BAZ2A: variants seen among roughly 807,000 people sequenced by gnomAD.
BAZ2A encodes the protein bromodomain adjacent to zinc finger domain 2A.
In BAZ2A, 34 loss-of-function variants were observed where a neutral mutation model predicts 199.9. That is an observed-to-expected ratio of 0.17 (90% CI 0.13 to 0.23). The LOEUF (loss-of-function observed/expected upper bound fraction) is 0.23, where lower values mean the gene tolerates loss of function less well. Among genes scored for constraint, BAZ2A ranks in the 10% least tolerant of loss-of-function variants. BAZ2A has a pLI of 1.00. For synonymous variants in BAZ2A, 857 were observed against 883.9 expected, an observed-to-expected ratio of 0.97 and a Z score of 0.54; for missense variants, 2,002 against 2,391.1, an observed-to-expected ratio of 0.84 and a Z score of 3.39.
In BAZ2A at chr12:56,605,833, G is replaced by A; in HGVS notation, c.2490C>T (p.His830=). Residue 830 remains histidine, a synonymous_variant, in exon 13 of 29, where the codon CAC becomes CAT. Transcript: ENST00000549884. ...ACTGTTACTCTCTCCTCACTACCTG[G>A]TGGTCAGTCAGACACATATCCTCTG... The part of the protein sequence containing the change: ...KPTEDMCLTD[H]QPLPDFSRVP... 1 of 1,608,334 alleles carries A rather than the reference G, an allele frequency of 6.2e-7. No homozygotes were observed. Among genetic ancestry groups the A allele is most frequent in the Non-Finnish European group, 8.5e-7 (1 of 1,177,550 alleles).
intron 13 of BAZ2A, 68 bp downstream of exon 13, chr12:56,605,762 G>A: frequency 1.5e-6 from 2 of 1,325,422 alleles, no homozygotes; most frequent in Non-Finnish European, 2.1e-6. Flanking sequence ...CATTGCAGAA[G>A]TCCTTTTTTT....
chr12:56,620,182 T>C (rs547549968), intron 1 of BAZ2A, among the ~76,000 whole-genome samples: 1 of 146,890 alleles, frequency 6.8e-6, no homozygotes, highest in Non-Finnish European at 1.5e-5. Flanking sequence ...AAAAAAAAAA[T>C]CACAAGAAAA....
rs769203355 is a variant in BAZ2A at position 56,602,781 on chromosome 12, T to A, written c.3356A>T (p.Tyr1119Phe). The A allele has an allele frequency of 1.9e-6, 3 of 1,613,876 alleles. No individual in the cohort carries two copies. Among genetic ancestry groups the A allele is most frequent in the Non-Finnish European group, 2.5e-6 (3 of 1,179,874 alleles). Residue 1119 changes from tyrosine (Y) to phenylalanine (F), a missense_variant, in exon 19 of 29, where the codon TAC becomes TTC. Tyr to Phe is a conservative substitution (Grantham distance 22). This residue lies in a region of BAZ2A where 1,081 missense variants were observed against 1,274.7 expected (regional missense o/e 0.85). Coordinates refer to ENST00000549884, the MANE Select transcript of BAZ2A (RefSeq NM_001300905.2). ...CGGCAATACCCAGTAGCGACGTCTG[T>A]AGCGGTCCTGACCCAGGGAGACCGC... ...LRAVSLGQDRYRRRYWVLPYL... is the reference protein window; with the variant it reads ...LRAVSLGQDRFRRRYWVLPYL...
intron 1 of BAZ2A, chr12:56,636,045 G>T: frequency 9.1e-7 from 1 of 1,099,226 alleles, no homozygotes; most frequent in Non-Finnish European, 1.3e-6. Flanking sequence ...TGAGCCCTGT[G>T]CCCCCCGTCC....
rs777867834 is a variant in BAZ2A, at chr12:56,611,986, C to T, written c.1396G>A (p.Val466Met). 2.5e-6 allele frequency: 4 copies of T among 1,613,644 alleles called. No individual in the cohort carries two copies. Among genetic ancestry groups the T allele is most frequent in the Non-Finnish European group, 3.4e-6 (4 of 1,179,762 alleles). ...ACTGCTGAGGAAGCTGGAGAGACCA[C>T]TGAGAAGACTGCTGGAGAGACAACT... ...STVVSPAVFSVVSPASSAVLP... is the reference protein window; with the variant it reads ...STVVSPAVFSMVSPASSAVLP... Residue 466 changes from valine to methionine, a missense_variant, in exon 6 of 29, where the codon GTG (valine) becomes ATG (methionine). Val to Met is a conservative substitution (Grantham distance 21, BLOSUM62 1). Around this residue, in one of 6 missense-constraint regions of BAZ2A, gnomAD observed 641 missense variants for 694.5 expected, o/e 0.92. Coordinates refer to ENST00000549884, the MANE Select transcript of BAZ2A (RefSeq NM_001300905.2).
chr12:56,605,921 G>C lies in BAZ2A; in HGVS notation c.2402C>G (p.Thr801Arg), dbSNP rs754529481. The C allele has an allele frequency of 6.4e-6, 10 of 1,573,848 alleles. No individual in the cohort carries two copies. In the South Asian group the frequency reaches 9.3e-5, roughly 15 times the overall value. Reference sequence around the variant, plus strand: ...CTGCCGTTCCTCCAAGCGCCTCTGTGTGGCCAGGGTCTTATCTGCTTTACA... The same window carrying C: ...CTGCCGTTCCTCCAAGCGCCTCTGTCTGGCCAGGGTCTTATCTGCTTTACA... ...PACKADKTLA[T>R]QRRLEERQRQ... Residue 801 changes from threonine (T) to arginine (R), a missense_variant, in exon 13 of 29, where the codon ACA becomes AGA. By Grantham distance (71) the Thr-to-Arg change is moderately conservative. Around this residue, in one of 6 missense-constraint regions of BAZ2A, gnomAD observed 1,081 missense variants for 1,274.7 expected, o/e 0.85. Coordinates refer to ENST00000549884, the MANE Select transcript of BAZ2A (RefSeq NM_001300905.2).
chr12:56,630,117 C>G lies in BAZ2A; in HGVS notation c.-3+8G>C. 1 of 983,964 alleles carries G rather than the reference C, an allele frequency of 1.0e-6. No individual in the cohort carries two copies. The allele number at this position is 983,964 out of a possible 1,614,324, so 61.0% of individuals were successfully genotyped here. On this transcript the variant is annotated splice_region_variant and intron_variant, in intron 1 of 28. Transcript: ENST00000549884. ...CCCCTCAGGCCCCTGGCCACAGACC[C>G]CACAAACCTGAGGCAGCGGCGTCCA...
In BAZ2A at chr12:56,600,866, C is replaced by CAGGCTGT. The variant is rs780237201; in HGVS notation, c.4451-41_4451-35dup. ...AGAGGTGGCAGAGGGAGAGGCCCAT[C>CAGGCTGT]AGGCTGTTGTCCCTAGCAGCAGCTC... On this transcript the variant is annotated intron_variant, in intron 22 of 28. Transcript: ENST00000549884. The CAGGCTGT allele has an allele frequency of 4.6e-5, 74 of 1,611,696 alleles. 1 individual carries two copies. Among genetic ancestry groups the CAGGCTGT allele is most frequent in the Non-Finnish European group, 5.9e-5 (69 of 1,178,668 alleles).
rs754970192 is a variant in BAZ2A, at chr12:56,615,032, G to A, written c.712C>T (p.Leu238=). Residue 238 remains leucine (L), a synonymous_variant, in exon 3 of 29, where the codon CTG becomes TTG. Transcript: ENST00000549884. The part of the protein sequence containing the change: ...NGTGLVGSLE[L]EEEQPELKMC... The stretch of plus-strand genomic sequence containing the variant: ...GTTATACCTGGCTGCTCTTCTTCCA[G>A]CTCCAAGCTGCCTACCAAGCCAGTG... The A allele has an allele frequency of 1.2e-6, 2 of 1,612,492 alleles. No homozygotes were observed. The highest frequency in any genetic ancestry group is 2.2e-5 in the East Asian group (1 of 44,848).
chr12:56,616,379 C>T (rs893895224), intron 2 of BAZ2A, among the ~76,000 whole-genome samples: 2 of 152,182 alleles, frequency 1.3e-5, no homozygotes, highest in Admixed American at 6.5e-5. Context: ...GGAACAACCT[C>T]CACCTCACTG....
intron 13 of BAZ2A, 162 bp downstream of exon 13, chr12:56,605,668 C>T (rs1403246677): frequency 1.7e-5 from 14 of 807,692 alleles, no homozygotes; most frequent in South Asian, 3.8e-5. Context: ...GCGATCTGCC[C>T]GCCTCGGCCT....
At chr12:56,616,533 G>T (rs1412672690) in intron 2 of BAZ2A, among the ~76,000 whole-genome samples, 1 of 152,188 alleles carries the variant, frequency 6.6e-6, no homozygotes, top group African/African-American at 2.4e-5. Flanking sequence ...GGTAGGGGGG[G>T]CACTTTGTGT....
upstream of BAZ2A, chr12:56,630,860 A>G (rs1951291201): frequency 2.0e-6 from 2 of 985,452 alleles, no homozygotes; most frequent in African/African-American, 1.7e-5. Flanking sequence ...CGGAAAGGAA[A>G]GATTCCTGTG....
chr12:56,634,247 C>T (rs1307200570), upstream of BAZ2A, among the ~76,000 whole-genome samples: 1 of 152,172 alleles, frequency 6.6e-6, no homozygotes, highest in Non-Finnish European at 1.5e-5. Context: ...CCCCAGCTCC[C>T]CACGCACTCT....
In BAZ2A at chr12:56,615,525, G is replaced by A. The variant is rs1360843105; in HGVS notation, c.219C>T (p.His73=). 4.3e-6 allele frequency: 7 copies of A among 1,613,490 alleles called. No individual in the cohort carries two copies. In the East Asian group the frequency reaches 6.7e-5, roughly 15 times the overall value. The change falls in exon 3 of 29, where the codon CAC becomes CAT. Residue 73 remains histidine, a synonymous_variant. Coordinates refer to ENST00000549884, the MANE Select transcript of BAZ2A (RefSeq NM_001300905.2). The part of the protein sequence containing the change: ...TTSGILNSAP[H]SSSTSHLHHP... ...GATGGAGGTGTGAGGTGCTGGAGGAGTGGGGAGCAGAGTTCAAAATCCCTG... is the reference window on the plus strand; with the variant it reads ...GATGGAGGTGTGAGGTGCTGGAGGAATGGGGAGCAGAGTTCAAAATCCCTG...
chr12:56,626,994 G>A (rs1951116160), intron 1 of BAZ2A, among the ~76,000 whole-genome samples: 2 of 152,188 alleles, frequency 1.3e-5, no homozygotes, highest in Admixed American at 1.3e-4. Flanking sequence ...CCAGTGAGAA[G>A]AGCAATGATG....
At position 56,604,071 on chromosome 12, in the gene BAZ2A, CT is replaced by C. The variant is rs1950267311; in HGVS notation, c.3038+145del. The C allele has an allele frequency of 4.0e-6, 3 of 757,032 alleles. No individual in the cohort carries two copies. The Admixed American group carries it at 8.4e-5, about 21-fold the overall frequency. 46.9% of individuals were successfully genotyped at this position (757,032 alleles called of 1,614,324 possible). On this transcript the variant is annotated intron_variant, in intron 16 of 28. Coordinates refer to ENST00000549884, the MANE Select transcript of BAZ2A (RefSeq NM_001300905.2). ...CATGATAGTGCCACAAAAGAAATAC[CT>C]TGACTCTAAACCATCCTGGGCCCTG...
In BAZ2A at chr12:56,601,162, C is replaced by T. The variant is rs1397435344; in HGVS notation, c.4294+18G>A. 2 of 1,613,882 alleles carry T rather than the reference C, an allele frequency of 1.2e-6. No homozygotes were observed. The highest frequency in any genetic ancestry group is 1.3e-5 in the African/African-American group (1 of 74,940). On this transcript the variant is annotated intron_variant, in intron 21 of 28. Transcript: ENST00000549884. ...AAGCACTGCCCACACCGGATGCCCT[C>T]ACTCCAAGGTCACTCACCAGGTGGG...
intron 10 of BAZ2A, among the ~76,000 whole-genome samples, chr12:56,608,208 T>C (rs928518662): frequency 6.6e-6 from 1 of 151,426 alleles, no homozygotes; most frequent in African/African-American, 2.4e-5. Context: ...CCGTCTCTAC[T>C]AAAAATACAA....
Sources: gnomAD v4.1 joint callset for allele counts (sites outside exome capture counted in the v4.1 genomes callset) on GRCh38, gnomAD v4.1.1 for gene constraint, gnomAD v4.1.1 regional missense constraint, MANE v1.5 for transcripts, NCBI Gene and HGNC (gene_info 2026-07-23, HGNC 2026-07-21) for gene names.